TTLL1: variants seen among roughly 807,000 people sequenced by gnomAD.
TTLL1 encodes the protein polyglutamylase complex subunit TTLL1.
A neutral mutation model predicts 47.8 loss-of-function variants in TTLL1; 33 were observed. The observed-to-expected ratio is 0.69, with a 90% CI of 0.52 to 0.92. The LOEUF (loss-of-function observed/expected upper bound fraction) is 0.92. Ranked by LOEUF, TTLL1 falls within the 40% of genes least tolerant of loss-of-function variation. TTLL1 has a pLI of 0.00. For synonymous variants in TTLL1, 225 were observed against 214.1 expected (o/e 1.05, Z -0.45); for missense variants, 488 against 547.5 (o/e 0.89, Z 1.08).
intron 2 of TTLL1, among the ~76,000 whole-genome samples, chr22:43,076,917 C>T (rs928066138): frequency 2.0e-5 from 3 of 151,714 alleles, no homozygotes; most frequent in Admixed American, 6.6e-5. Flanking sequence ...CTGGCTAACA[C>T]AGTAAAACCC....
At position 43,078,124 on chromosome 22, in the gene TTLL1, A is replaced by G. The variant is rs192027574; in HGVS notation, c.-5+1778T>C. Reference sequence around the variant, plus strand: ...CCTGTCTTAAAAAAAAAAGCACTCAAGAGACATTCACTATTATCATCATCA... The same window carrying G: ...CCTGTCTTAAAAAAAAAAGCACTCAGGAGACATTCACTATTATCATCATCA... On this transcript the variant is annotated intron_variant, in intron 2 of 10. Transcript: ENST00000266254. Among the ~76,000 whole-genome samples the G allele has an allele frequency of 5.9e-3, 898 of 152,054 alleles. 13 individuals are homozygous for G. The highest frequency in any genetic ancestry group is 0.021 in the African/African-American group (853 of 41,490).
chr22:43,044,527 TTTG>T (rs1925950091), intron 10 of TTLL1, among the ~76,000 whole-genome samples: 1 of 151,986 alleles, frequency 6.6e-6, no homozygotes, highest in African/African-American at 2.4e-5. Flanking sequence ...TATTTCTTCC[TTTG>T]TTTTTTAAAA....
chr22:43,069,416 T>C (rs1237580519), intron 4 of TTLL1, among the ~76,000 whole-genome samples: 2 of 142,156 alleles, frequency 1.4e-5, no homozygotes, highest in African/African-American at 2.6e-5. Context: ...AAAAACGCCA[T>C]GCCAGGCAAT....
In TTLL1 at chr22:43,075,431, G is replaced by A. The variant is rs57929300; in HGVS notation, c.113+43C>T. On this transcript the variant is annotated intron_variant, in intron 3 of 10. Transcript: ENST00000266254. The stretch of plus-strand genomic sequence containing the variant: ...GCACTGGAATTAGTAAAACCGATAC[G>A]TAAGCCTCAGAGAAACAACCCAGCC... The A allele has an allele frequency of 6.7e-3, 10,359 of 1,538,582 alleles. 551 individuals are homozygous for A. The African/African-American group carries it at 0.12, about 18-fold the overall frequency.
intron 1 of TTLL1, among the ~76,000 whole-genome samples, chr22:43,086,586 A>G (rs1362895550): frequency 6.6e-6 from 1 of 152,192 alleles, no homozygotes; most frequent in Non-Finnish European, 1.5e-5. Flanking sequence ...GGCGAGGAGC[A>G]CAGGAGACAC....
chr22:43,060,265 CTGAGA>C (rs1927309704), intron 7 of TTLL1, among the ~76,000 whole-genome samples: 1 of 152,238 alleles, frequency 6.6e-6, no homozygotes, highest in Non-Finnish European at 1.5e-5. Context: ...CCCACCCTCA[CTGAGA>C]GTGCCCTTGG....
intron 2 of TTLL1, 115 bp from the exon 3 acceptor site, chr22:43,075,705 G>A (rs1378503361): frequency 2.3e-6 from 2 of 874,460 alleles, no homozygotes; most frequent in Non-Finnish European, 1.9e-6. Flanking sequence ...CCCGGCAATG[G>A]TTCTCAACCA....
chr22:43,070,157 A>G (rs1475282477), intron 3 of TTLL1: 1 of 1,407,976 alleles, frequency 7.1e-7, no homozygotes, highest in South Asian at 1.2e-5. Context: ...ACTGTCAACA[A>G]ATAAAAGATA....
chr22:43,070,576 C>T (rs1250022986), intron 3 of TTLL1, among the ~76,000 whole-genome samples: 1 of 152,162 alleles, frequency 6.6e-6, no homozygotes, highest in Non-Finnish European at 1.5e-5. Flanking sequence ...CCCGGAGCCC[C>T]CGAAGGGTTG....
At chr22:43,085,182 C>A (rs1929154159) in intron 1 of TTLL1, among the ~76,000 whole-genome samples, 2 of 151,152 alleles carry the variant, frequency 1.3e-5, no homozygotes, top group African/African-American at 4.9e-5. Flanking sequence ...TTCACTGTGT[C>A]AGCCAGGATG....
intron 7 of TTLL1, among the ~76,000 whole-genome samples, chr22:43,059,939 C>T (rs145996109): frequency 0.013 from 2,036 of 152,330 alleles, 19 homozygotes; most frequent in Middle Eastern, 0.027. Flanking sequence ...ATCCTCCTGC[C>T]TTGGCCTCCC....
intron 9 of TTLL1, among the ~76,000 whole-genome samples, chr22:43,051,597 C>G (rs576099240): frequency 2.0e-5 from 3 of 152,138 alleles, no homozygotes; most frequent in Non-Finnish European, 2.9e-5. Flanking sequence ...AGCTCCCTGT[C>G]GTGGGCTGGG....
intron 8 of TTLL1, among the ~76,000 whole-genome samples, chr22:43,053,881 C>G (rs934540349): frequency 1.3e-5 from 2 of 152,166 alleles, no homozygotes; most frequent in African/African-American, 4.8e-5. Context: ...AAACAGCTAA[C>G]TTTTTCTCAA....
chr22:43,059,580 C>G, intron 7 of TTLL1, 53 bp from the exon 8 acceptor site: 2 of 1,550,140 alleles, frequency 1.3e-6, no homozygotes, highest in Non-Finnish European at 1.7e-6. Flanking sequence ...CCCAGAGGAA[C>G]CCAGCGGAAC....
chr22:43,064,090 C>T, intron 6 of TTLL1, 100 bp downstream of exon 6: 1 of 1,549,274 alleles, frequency 6.5e-7, no homozygotes, highest in South Asian at 1.2e-5. Flanking sequence ...CCAGGCACCG[C>T]ACATGCACTG....
chr22:43,083,661 G>A lies in TTLL1; in HGVS notation c.-89-3675C>T, dbSNP rs535195620. ...GAGAACTGCTTGAACTCAGGAGGCG[G>A]AGACAGCGGTGAGCCAAGATCGCAC... On this transcript the variant is annotated intron_variant, in intron 1 of 10. Coordinates refer to ENST00000266254, the MANE Select transcript of TTLL1 (RefSeq NM_012263.5). Among the ~76,000 whole-genome samples, 141 of 152,270 alleles carry A rather than the reference G, an allele frequency of 9.3e-4. 2 individuals carry two copies. The South Asian group carries it at 0.029, about 31-fold the overall frequency.
At position 43,064,104 on chromosome 22, in the gene TTLL1, T is replaced by C. The variant is rs113591786; in HGVS notation, c.638+86A>G. On this transcript the variant is annotated intron_variant, in intron 6 of 10. Transcript: ENST00000266254. ...GCCAGGCACCGCACATGCACTGTTT[T>C]ATGAAACCTCACAATGGTGCTAAGA... The C allele has an allele frequency of 4.2e-4, 663 of 1,565,518 alleles. 5 individuals are homozygous for C. The African/African-American group carries it at 8.0e-3, about 19-fold the overall frequency.
At chr22:43,047,329 C>A (rs962591291) in intron 9 of TTLL1, among the ~76,000 whole-genome samples, 1 of 152,190 alleles carries the variant, frequency 6.6e-6, no homozygotes, top group Admixed American at 6.6e-5. Flanking sequence ...AGCATTCTCA[C>A]TCAAATGATG....
intron 8 of TTLL1, chr22:43,052,242 T>C: frequency 3.4e-6 from 1 of 293,390 alleles, no homozygotes; most frequent in Non-Finnish European, 6.7e-6. Flanking sequence ...TGTGCAGCCT[T>C]ATCACAGACA....
Sources: gnomAD v4.1 joint callset for allele counts (sites outside exome capture counted in the v4.1 genomes callset) on GRCh38, gnomAD v4.1.1 for gene constraint, MANE v1.5 for transcripts, NCBI Gene and HGNC (gene_info 2026-07-23, HGNC 2026-07-21) for gene names.